ARK2N: variants seen among roughly 807,000 people sequenced by gnomAD.
ARK2N encodes the protein arkadia (RNF111) N-terminal like PKA signaling regulator 2N, also known as protein ARK2N.
At chr18:46,186,320 C>T in the ARK2N span, among the ~76,000 whole-genome samples, 1 of 151,302 alleles carries the variant, frequency 6.6e-6, no homozygotes, top group Non-Finnish European at 1.5e-5. Flanking sequence ...CTCAGCCTCC[C>T]GAGTGGTTGG....
chr18:46,235,454 A>G, the ARK2N span, among the ~76,000 whole-genome samples: 5 of 152,068 alleles, frequency 3.3e-5, no homozygotes, highest in African/African-American at 9.7e-5. Flanking sequence ...GGTGCTAAGT[A>G]TAATGGAAAG....
At chr18:46,187,542 A>G in the ARK2N span, among the ~76,000 whole-genome samples, 1 of 152,090 alleles carries the variant, frequency 6.6e-6, no homozygotes, top group East Asian at 2.0e-4. Flanking sequence ...GGGTTTCACC[A>G]TGCTGGTCAG....
chr18:46,236,807 G>T, the ARK2N span, among the ~76,000 whole-genome samples: 1 of 150,982 alleles, frequency 6.6e-6, no homozygotes. Context: ...TGAACTGATA[G>T]AGTCAAATAG....
the ARK2N span, chr18:46,263,273 T>C: frequency 1.5e-6 from 1 of 661,432 alleles, no homozygotes; most frequent in Admixed American, 3.2e-5. Context: ...TCCCCCCTTT[T>C]TTTAATTAAA....
the ARK2N span, chr18:46,266,670 C>G: frequency 6.6e-6 from 1 of 152,606 alleles, no homozygotes; most frequent in Non-Finnish European, 1.5e-5. Flanking sequence ...TGGCTAGGAA[C>G]CAATGCACTT....
the ARK2N span, among the ~76,000 whole-genome samples, chr18:46,178,289 T>A: frequency 6.6e-6 from 1 of 152,322 alleles, no homozygotes; most frequent in African/African-American, 2.4e-5. Context: ...ATGTGAAGAA[T>A]GAGATAGGCA....
chr18:46,197,833 G>A, the ARK2N span, among the ~76,000 whole-genome samples: 2 of 152,138 alleles, frequency 1.3e-5, no homozygotes, highest in East Asian at 1.9e-4. Flanking sequence ...TCCTTGATTA[G>A]GACTTATGAT....
chr18:46,197,809 C>A, the ARK2N span, among the ~76,000 whole-genome samples: 1 of 152,124 alleles, frequency 6.6e-6, no homozygotes, highest in African/African-American at 2.4e-5. Flanking sequence ...TCCAGGAGGA[C>A]GTGTGTTGGT....
At chr18:46,260,243 C>A in the ARK2N span, among the ~76,000 whole-genome samples, 1 of 152,170 alleles carries the variant, frequency 6.6e-6, no homozygotes, top group African/African-American at 2.4e-5. Context: ...TCTAAGCATG[C>A]TCTCAGTGGT....
At chr18:46,251,864 A>G in the ARK2N span, among the ~76,000 whole-genome samples, 18 of 152,286 alleles carry the variant, frequency 1.2e-4, no homozygotes, top group East Asian at 2.5e-3. Context: ...GTAGCTTCCA[A>G]AAGGTTTACA....
chr18:46,189,198 G>T, the ARK2N span, among the ~76,000 whole-genome samples: 1 of 130,616 alleles, frequency 7.7e-6, no homozygotes, highest in Admixed American at 8.3e-5. Flanking sequence ...CTGGGTGACA[G>T]AGCGAGACTG....
At chr18:46,229,384 G>A in the ARK2N span, among the ~76,000 whole-genome samples, 137 of 152,192 alleles carry the variant, frequency 9.0e-4, no homozygotes, top group Non-Finnish European at 1.6e-3. Context: ...GTCTCGCTCT[G>A]TCGTCCAGGC....
the ARK2N span, among the ~76,000 whole-genome samples, chr18:46,201,779 C>CTTTTTTT: frequency 1.5e-5 from 2 of 135,772 alleles, no homozygotes; most frequent in Non-Finnish European, 3.2e-5. Context: ...CTTTTCTTTT[C>CTTTTTTT]TTTTTTTTTT....
chr18:46,215,858 A>G, the ARK2N span: 20 of 1,599,048 alleles, frequency 1.3e-5, no homozygotes, highest in African/African-American at 2.7e-5. Flanking sequence ...ACTCTACTCC[A>G]TGATTTAACT....
chr18:46,194,029 A>G, the ARK2N span, among the ~76,000 whole-genome samples: 5 of 152,106 alleles, frequency 3.3e-5, no homozygotes, highest in African/African-American at 9.7e-5. Flanking sequence ...TTTAAGAGAC[A>G]GTGTTGCTCA....
chr18:46,176,777 C>T, the ARK2N span, among the ~76,000 whole-genome samples: 1 of 152,156 alleles, frequency 6.6e-6, no homozygotes, highest in African/African-American at 2.4e-5. Context: ...GCCACCACGC[C>T]TGGCTAATTT....
the ARK2N span, among the ~76,000 whole-genome samples, chr18:46,198,049 C>A: frequency 1.3e-5 from 2 of 151,986 alleles, no homozygotes; most frequent in African/African-American, 4.8e-5. Flanking sequence ...CGCCTATAAT[C>A]CCAGCACTGT....
chr18:46,248,848 G>A, the ARK2N span, among the ~76,000 whole-genome samples: 1 of 152,186 alleles, frequency 6.6e-6, no homozygotes, highest in East Asian at 1.9e-4. Flanking sequence ...CTCCCAAAGT[G>A]GTGGGATTAC....
chr18:46,192,899 AG>A, the ARK2N span, among the ~76,000 whole-genome samples: 4 of 150,660 alleles, frequency 2.7e-5, no homozygotes, highest in South Asian at 4.2e-4. Context: ...AAAAAAAAAA[AG>A]AATGTGGACT....
Sources: gnomAD v4.1 joint callset for allele counts (sites outside exome capture counted in the v4.1 genomes callset) on GRCh38, gnomAD v4.1.1 for gene constraint, MANE v1.5 for transcripts, NCBI Gene and HGNC (gene_info 2026-07-23, HGNC 2026-07-21) for gene names.